INPP4B: variants seen among roughly 807,000 people sequenced by gnomAD.
INPP4B encodes inositol polyphosphate-4-phosphatase type II B, also known as inositol polyphosphate 4-phosphatase type II.
A neutral mutation model predicts 122.5 loss-of-function variants in INPP4B; 55 were observed. That is an observed-to-expected ratio of 0.45 (90% CI 0.36 to 0.56). The LOEUF (loss-of-function observed/expected upper bound fraction) is 0.56. INPP4B is among the 20% of genes least tolerant of loss of function. INPP4B has a pLI of 0.00. For missense variants in INPP4B, 1,000 were observed against 1,097.7 expected (o/e 0.91, Z 1.26); for synonymous variants, 403 against 388.7 (o/e 1.04, Z -0.43).
At chr4:142,539,484 T>C (rs1207135565) in intron 2 of INPP4B, among the ~76,000 whole-genome samples, 1 of 152,086 alleles carries the variant, frequency 6.6e-6, no homozygotes, top group Non-Finnish European at 1.5e-5. Flanking sequence ...ATTTCATCAA[T>C]GGTCTTAGCA....
At chr4:142,786,610 G>T (rs1775798202) in intron 1 of INPP4B, among the ~76,000 whole-genome samples, 1 of 152,078 alleles carries the variant, frequency 6.6e-6, no homozygotes, top group East Asian at 1.9e-4. Context: ...TAACTGTACA[G>T]TGAAGAAACA....
chr4:142,105,713 A>G (rs192625491), intron 23 of INPP4B, among the ~76,000 whole-genome samples: 1 of 152,294 alleles, frequency 6.6e-6, no homozygotes, highest in East Asian at 1.9e-4. Flanking sequence ...GAGAATCAGT[A>G]AATTAATAGT....
chr4:142,725,368 G>A (rs550794258), intron 2 of INPP4B, among the ~76,000 whole-genome samples: 2 of 152,144 alleles, frequency 1.3e-5, no homozygotes, highest in East Asian at 1.9e-4. Flanking sequence ...AAAGCTTGAT[G>A]ACATTTTCTA....
At chr4:142,378,861 C>A (rs1792997510) in intron 7 of INPP4B, among the ~76,000 whole-genome samples, 1 of 152,140 alleles carries the variant, frequency 6.6e-6, no homozygotes, top group African/African-American at 2.4e-5. Flanking sequence ...ACCCTTGTTG[C>A]TATGAAGCCA....
At chr4:142,741,296 G>A (rs755301529) in intron 1 of INPP4B, among the ~76,000 whole-genome samples, 6 of 151,936 alleles carry the variant, frequency 3.9e-5, no homozygotes, top group Non-Finnish European at 8.8e-5. Flanking sequence ...TGAAGAGGGA[G>A]TAGACACATC....
chr4:142,815,433 C>T (rs1258209848), intron 1 of INPP4B, among the ~76,000 whole-genome samples: 2 of 152,072 alleles, frequency 1.3e-5, no homozygotes, highest in Admixed American at 6.6e-5. Context: ...ACTCTATTTC[C>T]TTAATGTTTT....
intron 2 of INPP4B, among the ~76,000 whole-genome samples, chr4:142,523,514 A>G (rs1441646410): frequency 6.6e-6 from 1 of 152,042 alleles, no homozygotes; most frequent in African/African-American, 2.4e-5. Flanking sequence ...TCAGCTTTCA[A>G]ATTCTCCTTG....
rs1834267141 is a variant in INPP4B at position 142,188,518 on chromosome 4, A to AAAAT, written c.1181+4568_1181+4569insATTT. On this transcript the variant is annotated intron_variant, in intron 15 of 25. Transcript: ENST00000262992. ...AAAAAAAAAAAAAAAAAAGAAAAAAAATATATATAGCTTGACTTATGAGTT... is the reference window on the plus strand; with the variant it reads ...AAAAAAAAAAAAAAAAAAGAAAAAAAAAATATATATATAGCTTGACTTATGAGTT... 3.3e-3 allele frequency among the ~76,000 whole-genome samples: 352 copies of AAAAT among 105,104 alleles called. 59 individuals carry two copies. Among genetic ancestry groups the AAAAT allele is most frequent in the Non-Finnish European group, 4.9e-3 (261 of 53,198 alleles). The allele number at this position is 105,104 out of a possible 152,430, so 69.0% of individuals were successfully genotyped here.
At chr4:142,264,817 A>AT (rs908960641) in intron 10 of INPP4B, among the ~76,000 whole-genome samples, 60 of 152,280 alleles carry the variant, frequency 3.9e-4, no homozygotes, top group African/African-American at 1.4e-3. Flanking sequence ...ATATTTGGAG[A>AT]TAAGGGCCTA....
At chr4:142,550,834 C>G (rs557408072) in intron 2 of INPP4B, among the ~76,000 whole-genome samples, 1 of 152,180 alleles carries the variant, frequency 6.6e-6, no homozygotes, top group East Asian at 1.9e-4. Flanking sequence ...GGGTAATTAT[C>G]TGGCTGTGTC....
chr4:142,485,005 A>C (rs1380225110), intron 2 of INPP4B, among the ~76,000 whole-genome samples: 2 of 152,248 alleles, frequency 1.3e-5, no homozygotes, highest in African/African-American at 4.8e-5. Context: ...GGTGCACAAA[A>C]GCAGAAATAT....
intron 1 of INPP4B, among the ~76,000 whole-genome samples, chr4:142,764,166 A>C (rs59804805): frequency 1.3e-5 from 2 of 152,140 alleles, no homozygotes; most frequent in Non-Finnish European, 2.9e-5. Context: ...ATGCATATGC[A>C]ATAAAAATAT....
At chr4:142,736,030 T>A (rs1766830812) in intron 1 of INPP4B, among the ~76,000 whole-genome samples, 1 of 151,882 alleles carries the variant, frequency 6.6e-6, no homozygotes, top group South Asian at 2.1e-4. Context: ...ACCTTCTATG[T>A]CACACCATTG....
chr4:142,468,261 T>C (rs1463879519), intron 2 of INPP4B, among the ~76,000 whole-genome samples: 1 of 152,066 alleles, frequency 6.6e-6, no homozygotes, highest in African/African-American at 2.4e-5. Context: ...TCTTACCCCA[T>C]GGAAGAAACC....
chr4:142,467,562 A>G (rs2149648691), intron 2 of INPP4B, among the ~76,000 whole-genome samples: 1 of 151,934 alleles, frequency 6.6e-6, no homozygotes, highest in South Asian at 2.1e-4. Flanking sequence ...TGTTTTTTCA[A>G]ATCTCACAGG....
At chr4:142,339,094 TTC>T (rs964947170) in intron 7 of INPP4B, among the ~76,000 whole-genome samples, 1 of 152,186 alleles carries the variant, frequency 6.6e-6, no homozygotes, top group African/African-American at 2.4e-5. Flanking sequence ...CTCTACTCAG[TTC>T]TCTCAGTTTT....
chr4:142,341,615 G>A (rs183776992), intron 7 of INPP4B, among the ~76,000 whole-genome samples: 2 of 152,238 alleles, frequency 1.3e-5, no homozygotes, highest in East Asian at 1.9e-4. Flanking sequence ...AGACTATGGC[G>A]AAGGTCATAG....
intron 7 of INPP4B, among the ~76,000 whole-genome samples, chr4:142,340,265 A>C (rs538800061): frequency 6.6e-6 from 1 of 152,228 alleles, no homozygotes; most frequent in South Asian, 2.1e-4. Context: ...TAGTTTTAGG[A>C]TCTCTTGCTC....
At chr4:142,804,138 A>G (rs1778378476) in intron 1 of INPP4B, among the ~76,000 whole-genome samples, 1 of 152,080 alleles carries the variant, frequency 6.6e-6, no homozygotes, top group African/African-American at 2.4e-5. Flanking sequence ...CTTCAAAAAG[A>G]ATAGCTCATC....
Sources: gnomAD v4.1 joint callset for allele counts (sites outside exome capture counted in the v4.1 genomes callset) on GRCh38, gnomAD v4.1.1 for gene constraint, MANE v1.5 for transcripts, NCBI Gene and HGNC (gene_info 2026-07-23, HGNC 2026-07-21) for gene names.